PARD3B: variants seen among roughly 807,000 people sequenced by gnomAD.
PARD3B encodes the protein partitioning defective 3 homolog B.
A neutral mutation model predicts 130.2 loss-of-function variants in PARD3B; 103 were observed. The observed-to-expected ratio is 0.79, with a 90% CI of 0.67 to 0.93. The LOEUF is 0.93. Among genes scored for constraint, PARD3B ranks in the 40% least tolerant of loss-of-function variants. The pLI is 0.00. For synonymous variants in PARD3B, 583 were observed against 553.2 expected (o/e 1.05, Z -0.76); for missense variants, 1,609 against 1,499.2 (o/e 1.07, Z -1.21).
Position 205,585,687 on chromosome 2 carries a change from G to A in PARD3B, c.3261-29769G>A, listed in dbSNP as rs2054172417. ...ATTTCAATGTCCAAAGGAAATGTGGGGGACACTTAGGCCCTGCCTCTTCAG... is the reference window on the plus strand; with the variant it reads ...ATTTCAATGTCCAAAGGAAATGTGGAGGACACTTAGGCCCTGCCTCTTCAG... On this transcript the variant is annotated intron_variant, in intron 22 of 22. Transcript: ENST00000406610. The surrounding 1 kb of genome is among the most constrained non-coding windows in gnomAD (Gnocchi z 5.4). Among the ~76,000 whole-genome samples, 1 of 152,202 alleles carries A rather than the reference G, an allele frequency of 6.6e-6. No individual in the cohort carries two copies. Among genetic ancestry groups the A allele is most frequent in the Non-Finnish European group, 1.5e-5 (1 of 68,038 alleles).
chr2:204,882,989 G>A (rs911023112), intron 2 of PARD3B, among the ~76,000 whole-genome samples: 2 of 152,070 alleles, frequency 1.3e-5, no homozygotes, highest in African/African-American at 2.4e-5. Flanking sequence ...TGAGCTTCCC[G>A]TGCTCCTGTA....
rs148836988 is a variant in PARD3B at position 205,183,283 on chromosome 2, A to G, written c.1925-2481A>G. On this transcript the variant is annotated intron_variant, in intron 13 of 22. Coordinates refer to ENST00000406610, the MANE Select transcript of PARD3B (RefSeq NM_001302769.2). This position sits in a 1 kb window ranked among gnomAD's most constrained non-coding sequence, Gnocchi z 5.2. ...ATCATAGACCTTTATTCCGTAGGCA[A>G]TGTGTGCAGCTGAAGTGATTTTGAG... Among the ~76,000 whole-genome samples, 450 of 152,266 alleles carry G rather than the reference A, an allele frequency of 3.0e-3. 5 individuals carry two copies. The highest frequency in any genetic ancestry group is 0.01 in the African/African-American group (426 of 41,556).
chr2:205,228,841 C>CA (rs1205053793), intron 15 of PARD3B, among the ~76,000 whole-genome samples: 1 of 152,138 alleles, frequency 6.6e-6, no homozygotes, highest in African/African-American at 2.4e-5. Flanking sequence ...AGCCTGGCTT[C>CA]AAGCTCACTG....
At chr2:205,239,533 T>A (rs569903056) in intron 15 of PARD3B, among the ~76,000 whole-genome samples, 1 of 152,300 alleles carries the variant, frequency 6.6e-6, no homozygotes, top group African/African-American at 2.4e-5. Context: ...ATGAAGGAAT[T>A]ACTTGGATTT....
intron 3 of PARD3B, among the ~76,000 whole-genome samples, chr2:205,006,295 T>A (rs1424862235): frequency 1.3e-5 from 2 of 152,214 alleles, no homozygotes; most frequent in Non-Finnish European, 2.9e-5. Context: ...GCCTTTTTCA[T>A]GTAATGATTT....
chr2:205,593,605 T>TA (rs1184749402), intron 22 of PARD3B, among the ~76,000 whole-genome samples: 1 of 152,210 alleles, frequency 6.6e-6, no homozygotes, highest in Non-Finnish European at 1.5e-5. Context: ...AACAACCTGA[T>TA]ACCAGTTAAC....
At chr2:204,710,155 T>C (rs1257191079) in intron 2 of PARD3B, among the ~76,000 whole-genome samples, 2 of 152,224 alleles carry the variant, frequency 1.3e-5, no homozygotes, top group Non-Finnish European at 2.9e-5. Flanking sequence ...TTTTCTTAAA[T>C]TGACCTTAAA....
chr2:205,027,614 G>A (rs1697127189), intron 3 of PARD3B, among the ~76,000 whole-genome samples: 1 of 151,914 alleles, frequency 6.6e-6, no homozygotes, highest in African/African-American at 2.4e-5. Context: ...TGTGCTTTTA[G>A]TGTCATATCC....
At chr2:204,855,109 G>T (rs2044869683) in intron 2 of PARD3B, among the ~76,000 whole-genome samples, 1 of 152,148 alleles carries the variant, frequency 6.6e-6, no homozygotes, top group Non-Finnish European at 1.5e-5. Context: ...GGGCAATGTA[G>T]TGAGAACCTG....
intron 1 of PARD3B, among the ~76,000 whole-genome samples, chr2:204,661,839 A>T (rs1277690667): frequency 6.6e-6 from 1 of 152,160 alleles, no homozygotes; most frequent in African/African-American, 2.4e-5. Context: ...AAGGGAAGAC[A>T]GCTGGATTCT....
rs1237292414 is a variant in PARD3B at position 205,121,636 on chromosome 2, C to T, written c.852C>T (p.Leu284=). 3 of 1,614,104 alleles carry T rather than the reference C, an allele frequency of 1.9e-6. No homozygotes were observed. In the South Asian group the frequency reaches 3.3e-5, roughly 18 times the overall value. ...FRQAMKSPSV[L]LHVLPPQNRE... The stretch of plus-strand genomic sequence containing the variant: ...AGGCAATGAAATCTCCAAGTGTGCT[C>T]CTCCACGTGCTTCCTCCACAAAACC... The change falls in exon 8 of 23, where the codon CTC becomes CTT. Residue 284 remains leucine, a synonymous_variant. Transcript: ENST00000406610. The surrounding 1 kb of genome is among the most constrained non-coding windows in gnomAD (Gnocchi z 5.0).
intron 13 of PARD3B, among the ~76,000 whole-genome samples, chr2:205,185,061 G>A (rs930456054): frequency 1.3e-5 from 2 of 152,246 alleles, no homozygotes; most frequent in African/African-American, 2.4e-5. Context: ...TGTATAATAA[G>A]ATCTCAACAA....
At position 205,601,667 on chromosome 2, in the gene PARD3B, A is replaced by G. The variant is rs368443916; in HGVS notation, c.3261-13789A>G. Among the ~76,000 whole-genome samples the G allele has an allele frequency of 5.3e-4, 80 of 152,144 alleles. 2 individuals are homozygous for G. The highest frequency in any genetic ancestry group is 3.5e-3 in the East Asian group (18 of 5,172). The stretch of plus-strand genomic sequence containing the variant: ...TAGGTCTTTAATCCATCTTGAGTTA[A>G]TTTTTATGTAAGGTATAAGGAAGGG... On this transcript the variant is annotated intron_variant, in intron 22 of 22. Coordinates refer to ENST00000406610, the MANE Select transcript of PARD3B (RefSeq NM_001302769.2).
chr2:205,070,767 A>AAGGG (rs1443853434), intron 4 of PARD3B, among the ~76,000 whole-genome samples: 1 of 152,208 alleles, frequency 6.6e-6, no homozygotes, highest in Non-Finnish European at 1.5e-5. Context: ...TTGAAACAAT[A>AAGGG]GGTAATCATT....
chr2:204,738,662 G>T (rs906058366), intron 2 of PARD3B, among the ~76,000 whole-genome samples: 2 of 152,110 alleles, frequency 1.3e-5, no homozygotes, highest in African/African-American at 4.8e-5. Flanking sequence ...CTCTGTTGCA[G>T]AGTTTGACCT....
At chr2:204,688,941 T>C (rs1385580918) in intron 2 of PARD3B, among the ~76,000 whole-genome samples, 1 of 152,042 alleles carries the variant, frequency 6.6e-6, no homozygotes, top group Non-Finnish European at 1.5e-5. Context: ...CCCCAAAATA[T>C]CTCACCTCCT....
At chr2:205,340,675 T>C (rs2043491125) in intron 18 of PARD3B, among the ~76,000 whole-genome samples, 1 of 152,078 alleles carries the variant, frequency 6.6e-6, no homozygotes, top group Admixed American at 6.6e-5. Flanking sequence ...CAGTTCAGAA[T>C]ATTGGTCTAG....
In PARD3B at chr2:205,406,973, A is replaced by G. The variant is rs545989568; in HGVS notation, c.2741+5850A>G. ...CATAAGCCACTGCACCTGGCCTTCT[A>G]GTGTACCTTAAATGCTACTTTGTCC... On this transcript the variant is annotated intron_variant, in intron 19 of 22. Transcript: ENST00000406610. Among the ~76,000 whole-genome samples the G allele has an allele frequency of 2.0e-5, 3 of 152,158 alleles. No individual in the cohort carries two copies. In the South Asian group the frequency reaches 6.2e-4, roughly 32 times the overall value.
intron 2 of PARD3B, among the ~76,000 whole-genome samples, chr2:204,874,592 G>A (rs1019848671): frequency 1.6e-4 from 24 of 151,864 alleles, no homozygotes; most frequent in African/African-American, 5.6e-4. Context: ...TTTAAAAATC[G>A]AGGTATAATT....
Sources: allele counts gnomAD v4.1 joint callset (sites outside exome capture counted in the v4.1 genomes callset), GRCh38; gene constraint gnomAD v4.1.1; non-coding constraint Gnocchi (gnomAD v3.1); transcripts MANE v1.5; gene names NCBI Gene and HGNC (gene_info 2026-07-23, HGNC 2026-07-21).